The following RHD variants were observed in gnomAD, a reference collection of about 807,000 sequenced individuals.
The protein encoded by RHD is Rh blood group D antigen, also known as blood group Rh(D) polypeptide.
Under a neutral mutation model 45.5 loss-of-function variants are expected in RHD, and 16 were observed. The observed-to-expected ratio is 0.35, with a 90% confidence interval of 0.24 to 0.53. The LOEUF is 0.53. Among genes scored for constraint, RHD ranks in the 20% least tolerant of loss-of-function variants. The pLI is 0.92. For missense variants in RHD, 306 were observed against 532.0 expected, an observed-to-expected ratio of 0.58 and a Z score of 4.18; for synonymous variants, 131 against 217.5, an observed-to-expected ratio of 0.60 and a Z score of 3.50.
intron 1 of RHD, among the ~76,000 whole-genome samples, chr1:25,281,115 A>G (rs1304880885): frequency 1.5e-5 from 2 of 132,658 alleles, no homozygotes; most frequent in African/African-American, 5.2e-5. Context: ...TCACTTAGTG[A>G]GGTGAGAGAA....
rs1222740363 is a variant in RHD, at chr1:25,315,731, C to T, written c.1074-1269C>T. ...CAGGATGGTCTCCATCTCCTGACCT[C>T]ATGATCTGCCCGCCTCGGCCTCCCA... On this transcript the variant is annotated intron_variant, in intron 7 of 9. Transcript: ENST00000328664. 3.8e-5 allele frequency among the ~76,000 whole-genome samples: 5 copies of T among 130,042 alleles called. 1 individual carries two copies. The allele number at this position is 130,042 out of a possible 152,430, so 85.3% of individuals were successfully genotyped here. A position where few individuals can be genotyped will look rare whatever the true frequency, so the allele number is the denominator to read the frequency against.
At chr1:25,281,010 A>C (rs575163687) in intron 1 of RHD, among the ~76,000 whole-genome samples, 2,128 of 132,030 alleles carry the variant, frequency 0.016, 278 homozygotes, top group African/African-American at 0.052. Flanking sequence ...GGAATATTCC[A>C]GAGCTGTAAA....
intron 2 of RHD, among the ~76,000 whole-genome samples, chr1:25,285,759 A>T (rs1369891050): frequency 7.4e-6 from 1 of 135,120 alleles, no homozygotes; most frequent in African/African-American, 2.6e-5. Context: ...AAGTAGGCTA[A>T]ATTTTTTCCT....
chr1:25,296,136 T>C lies in RHD; in HGVS notation c.487-4810T>C, dbSNP rs1441209773. Among the ~76,000 whole-genome samples, 43 of 118,676 alleles carry C rather than the reference T, an allele frequency of 3.6e-4. 9 individuals carry two copies. Among genetic ancestry groups the C allele is most frequent in the Middle Eastern group, 4.3e-3 (1 of 232 alleles). 77.9% of individuals were successfully genotyped at this position (118,676 alleles called of 152,430 possible). ...CCTTGGCCTCCCAAAGTGCTGGGAT[T>C]AGAGGTGTGAGCCACCGCGCCCAGC... On this transcript the variant is annotated intron_variant, in intron 3 of 9. Transcript: ENST00000328664.
Position 25,311,542 on chromosome 1 carries a change from GAAGA to G in RHD, c.1073+4820_1073+4823del, listed in dbSNP as rs1330208487. 2.3e-5 allele frequency among the ~76,000 whole-genome samples: 3 copies of G among 130,764 alleles called. 1 individual carries two copies. The highest frequency in any genetic ancestry group is 5.4e-5 in the Non-Finnish European group (3 of 55,250). The allele number at this position is 130,764 out of a possible 152,430, so 85.8% of individuals were successfully genotyped here. On this transcript the variant is annotated intron_variant, in intron 7 of 9. Transcript: ENST00000328664. Reference sequence around the variant, plus strand: ...TCCGTCTCAAAAAGAAAAAAAAAAGGAAGAAAGAAAATTAGTACACATAGAACAA... The same window carrying G: ...TCCGTCTCAAAAAGAAAAAAAAAAGGAAGAAAATTAGTACACATAGAACAA...
chr1:25,296,315 C>T (rs528581151), intron 3 of RHD, among the ~76,000 whole-genome samples: 2 of 123,906 alleles, frequency 1.6e-5, no homozygotes, highest in South Asian at 2.5e-4. Context: ...GGTGTGATCT[C>T]GGCTCACTGC....
chr1:25,301,689 G>A lies in RHD; in HGVS notation c.801+3G>A, dbSNP rs376352142. ...ACCCCCAAGGGAAGATCAGCAAGGT[G>A]AGCAGGGCGCTGCCCTTGGGCAGCA... On this transcript the variant is annotated splice_donor_region_variant and intron_variant, in intron 5 of 9. Transcript: ENST00000328664. 4 of 1,379,084 alleles carry A rather than the reference G, an allele frequency of 2.9e-6. 2 individuals carry two copies. Among genetic ancestry groups the A allele is most frequent in the Non-Finnish European group, 4.1e-6 (4 of 978,360 alleles). 85.4% of individuals were successfully genotyped at this position (1,379,084 alleles called of 1,614,324 possible). A position where few individuals can be genotyped will look rare whatever the true frequency, so the allele number is the denominator to read the frequency against.
In RHD at chr1:25,307,759, T is replaced by G. The variant is rs557755316; in HGVS notation, c.1073+1030T>G. ...AGGCGCTGCGGTTCCTACCGGTTCT[T>G]GGATGCCTTCTACAGAGACAACCAT... On this transcript the variant is annotated intron_variant, in intron 7 of 9. Coordinates refer to ENST00000328664, the MANE Select transcript of RHD (RefSeq NM_016124.6). 85 of 1,306,336 alleles carry G rather than the reference T, an allele frequency of 6.5e-5. 21 individuals are homozygous for G. The highest frequency in any genetic ancestry group is 8.5e-5 in the Non-Finnish European group (81 of 948,336). The allele number at this position is 1,306,336 out of a possible 1,614,324, so 80.9% of individuals were successfully genotyped here.
chr1:25,291,909 G>A (rs1229602190), intron 3 of RHD, among the ~76,000 whole-genome samples: 2 of 132,320 alleles, frequency 1.5e-5, no homozygotes, highest in Admixed American at 7.4e-5. Context: ...AGAGGGGAAG[G>A]GACTGCCCAA....
intron 2 of RHD, among the ~76,000 whole-genome samples, chr1:25,288,544 A>G (rs2124635732): frequency 7.9e-6 from 1 of 126,084 alleles, no homozygotes; most frequent in East Asian, 2.0e-4. Context: ...GATAATAGCA[A>G]TAACCAACTC....
chr1:25,297,314 G>C (rs1219703784), intron 3 of RHD, among the ~76,000 whole-genome samples: 1 of 96,336 alleles, frequency 1.0e-5, no homozygotes, highest in Non-Finnish European at 2.5e-5. Flanking sequence ...TATCATATCA[G>C]AAGACATGCT....
In RHD at chr1:25,312,947, A is replaced by AAAAAAAAAC. The variant is rs1351546371; in HGVS notation, c.1074-4052_1074-4044dup. Among the ~76,000 whole-genome samples the AAAAAAAAAC allele has an allele frequency of 5.9e-4, 65 of 110,252 alleles. 15 individuals are homozygous for AAAAAAAAAC. The highest frequency in any genetic ancestry group is 1.2e-3 in the Non-Finnish European group (56 of 46,112). 72.3% of individuals were successfully genotyped at this position (110,252 alleles called of 152,430 possible). A position where few individuals can be genotyped will look rare whatever the true frequency, so the allele number is the denominator to read the frequency against. On this transcript the variant is annotated intron_variant, in intron 7 of 9. Transcript: ENST00000328664. ...AAAAAAAAAAAAAAAAAAAAAAAAA[A>AAAAAAAAAC]AAAAAAAACTTTAGTGCTATTGGAA...
At chr1:25,292,441 G>C (rs1404732439) in intron 3 of RHD, among the ~76,000 whole-genome samples, 1 of 132,388 alleles carries the variant, frequency 7.6e-6, no homozygotes, top group Non-Finnish European at 1.8e-5. Flanking sequence ...GTTGGATCCT[G>C]ACTGTATTTT....
chr1:25,286,797 AC>A (rs1281878267), intron 2 of RHD, among the ~76,000 whole-genome samples: 1,421 of 131,166 alleles, frequency 0.011, 130 homozygotes, highest in African/African-American at 0.037. Flanking sequence ...AAAAAAAAAA[AC>A]AAAAACAGTT....
chr1:25,316,546 A>G (rs1308426952), intron 7 of RHD, among the ~76,000 whole-genome samples: 3 of 98,854 alleles, frequency 3.0e-5, no homozygotes, highest in Non-Finnish European at 7.2e-5. Flanking sequence ...TGGGGGACAG[A>G]GGTTGCAGTG....
intron 7 of RHD, 60 bp downstream of exon 7, chr1:25,306,789 G>A (rs747805236): frequency 7.5e-7 from 1 of 1,324,782 alleles, no homozygotes; most frequent in Non-Finnish European, 1.1e-6. Context: ...AGGAAGAAAT[G>A]TGTGCAGAGT....
chr1:25,311,249 G>C (rs1234111478), intron 7 of RHD, among the ~76,000 whole-genome samples: 2 of 132,346 alleles, frequency 1.5e-5, no homozygotes, highest in East Asian at 3.9e-4. Flanking sequence ...TTCTGTGCCA[G>C]AGTCATTTAT....
intron 1 of RHD, among the ~76,000 whole-genome samples, chr1:25,280,462 T>C (rs1262379202): frequency 8.0e-6 from 1 of 124,486 alleles, no homozygotes. Flanking sequence ...TGCGCCACCA[T>C]GCCAGGCTAA....
At chr1:25,313,677 A>G (rs960130593) in intron 7 of RHD, among the ~76,000 whole-genome samples, 1 of 132,400 alleles carries the variant, frequency 7.6e-6, no homozygotes, top group African/African-American at 2.6e-5. Context: ...AGGCAGCAGA[A>G]AGAGAGGGGG....
Sources: allele counts gnomAD v4.1 joint callset (sites outside exome capture counted in the v4.1 genomes callset), GRCh38; gene constraint gnomAD v4.1.1; transcripts MANE v1.5; gene names NCBI Gene and HGNC (gene_info 2026-07-23, HGNC 2026-07-21).